The following AGAP1 variants were observed in gnomAD, a reference collection of about 807,000 sequenced individuals.
The protein encoded by AGAP1 is ArfGAP with GTPase domain, ankyrin repeat and PH domain 1.
A neutral mutation model predicts 105.3 loss-of-function variants in AGAP1; 29 were observed. That is an observed-to-expected ratio of 0.28 (90% CI 0.21 to 0.38). The LOEUF is 0.38. Ranked by LOEUF, AGAP1 falls within the 10% of genes least tolerant of loss-of-function variation. The probability of loss-of-function intolerance (pLI) is 1.00; values close to 1 mark genes in which losing one functional copy is unlikely to be tolerated. For synonymous variants in AGAP1, 509 were observed against 485.9 expected (o/e 1.05, Z -0.63); for missense variants, 998 against 1,165.1 (o/e 0.86, Z 2.09).
chr2:235,606,433 CAG>C (rs779868123), intron 1 of AGAP1, among the ~76,000 whole-genome samples: 2 of 152,204 alleles, frequency 1.3e-5, no homozygotes, highest in Non-Finnish European at 2.9e-5. Flanking sequence ...TTACTCGATT[CAG>C]AGACCAAGAA....
At position 235,535,018 on chromosome 2, in the gene AGAP1, T is replaced by G. The variant is rs1943163978; in HGVS notation, c.163+40169T>G. On this transcript the variant is annotated intron_variant, in intron 1 of 17. Coordinates refer to ENST00000304032, the MANE Select transcript of AGAP1 (RefSeq NM_001037131.3). The surrounding 1 kb of genome is among the most constrained non-coding windows in gnomAD (Gnocchi z 5.1). ...GCCCAGGATGCTTTTTTCCTCCAAA[T>G]GCCTCTCACCTATTCCCAGATACTC... 6.6e-6 allele frequency among the ~76,000 whole-genome samples: 1 copy of G among 152,148 alleles called. No homozygotes were observed. The highest frequency in any genetic ancestry group is 2.4e-5 in the African/African-American group (1 of 41,430).
At chr2:235,637,591 AT>A (rs1227451818) in intron 1 of AGAP1, among the ~76,000 whole-genome samples, 1 of 151,840 alleles carries the variant, frequency 6.6e-6, no homozygotes. Context: ...CTTCATTATT[AT>A]TTTTAGGACA....
chr2:236,103,440 C>T (rs1327998600), intron 16 of AGAP1, among the ~76,000 whole-genome samples: 1 of 152,218 alleles, frequency 6.6e-6, no homozygotes, highest in African/African-American at 2.4e-5. Flanking sequence ...CCCCGCCCCC[C>T]ACCTCAGCAC....
rs116258607 is a variant in AGAP1, at chr2:236,122,199, C to A, written c.2371-1720C>A. Among the ~76,000 whole-genome samples, 485 of 152,324 alleles carry A rather than the reference C, an allele frequency of 3.2e-3. 3 individuals are homozygous for A. Among genetic ancestry groups the A allele is most frequent in the African/African-American group, 0.01 (425 of 41,572 alleles). Reference sequence around the variant, plus strand: ...CTCCTGCCTTTAAGCAGTCCTCTCACCTCGGCCTCCCAAGGTGTTGAGATT... The same window carrying A: ...CTCCTGCCTTTAAGCAGTCCTCTCAACTCGGCCTCCCAAGGTGTTGAGATT... On this transcript the variant is annotated intron_variant, in intron 17 of 17. Transcript: ENST00000304032.
At chr2:235,748,123 C>T (rs1156540122) in intron 5 of AGAP1, among the ~76,000 whole-genome samples, 1 of 152,228 alleles carries the variant, frequency 6.6e-6, no homozygotes, top group African/African-American at 2.4e-5. Flanking sequence ...CTGTAAAAAG[C>T]TACGGAGTTA....
chr2:236,110,933 T>C lies in AGAP1; in HGVS notation c.2115-9259T>C, dbSNP rs73996536. Among the ~76,000 whole-genome samples, 626 of 150,120 alleles carry C rather than the reference T, an allele frequency of 4.2e-3. 8 individuals are homozygous for C. The highest frequency in any genetic ancestry group is 0.014 in the African/African-American group (584 of 40,872). On this transcript the variant is annotated intron_variant, in intron 16 of 17. Coordinates refer to ENST00000304032, the MANE Select transcript of AGAP1 (RefSeq NM_001037131.3). ...CGGCAGATTCGGTGTCTGGTTAGGG[T>C]TCGGTCTCTGCTTCATGGAGAATAC...
chr2:235,862,092 G>A (rs7576796), intron 9 of AGAP1, among the ~76,000 whole-genome samples: 119,662 of 151,890 alleles, frequency 0.79, 47,317 homozygotes, highest in East Asian at 0.97. Context: ...TCTCAGAAAG[G>A]AAACTGCAGG....
At chr2:236,024,328 C>T (rs571054256) in intron 13 of AGAP1, among the ~76,000 whole-genome samples, 19 of 152,220 alleles carry the variant, frequency 1.2e-4, no homozygotes, top group South Asian at 4.2e-4. Context: ...TTAGCCACTG[C>T]GCCCGGCCCC....
At position 235,864,518 on chromosome 2, in the gene AGAP1, C is replaced by T. The variant is rs2049068004; in HGVS notation, c.1051-18827C>T. On this transcript the variant is annotated intron_variant, in intron 9 of 17. Coordinates refer to ENST00000304032, the MANE Select transcript of AGAP1 (RefSeq NM_001037131.3). This position sits in a 1 kb window ranked among gnomAD's most constrained non-coding sequence, Gnocchi z 5.0. Reference sequence around the variant, plus strand: ...GTGGTTGAGCGTTTCCGCTCCACTGCGCGGCCCCGGAGCCCCCAAACGCAG... The same window carrying T: ...GTGGTTGAGCGTTTCCGCTCCACTGTGCGGCCCCGGAGCCCCCAAACGCAG... 6.6e-6 allele frequency among the ~76,000 whole-genome samples: 1 copy of T among 152,170 alleles called. No individual in the cohort carries two copies. The highest frequency in any genetic ancestry group is 2.1e-4 in the South Asian group (1 of 4,826).
chr2:236,120,099 C>T lies in AGAP1; in HGVS notation c.2115-93C>T. ...CCTTTGCTTTCTGTTATTTCACTTC[C>T]CTCTCGGCTTCTCCCGACCACACTG... On this transcript the variant is annotated intron_variant, in intron 16 of 17. Transcript: ENST00000304032. This position sits in a 1 kb window ranked among gnomAD's most constrained non-coding sequence, Gnocchi z 6.0. The T allele has an allele frequency of 6.6e-7, 1 of 1,513,028 alleles. No homozygotes were observed. The highest frequency in any genetic ancestry group is 1.3e-5 in the South Asian group (1 of 75,508). 93.7% of individuals were successfully genotyped at this position (1,513,028 alleles called of 1,614,324 possible).
At chr2:235,715,187 C>T (rs1394956185) in intron 2 of AGAP1, among the ~76,000 whole-genome samples, 1 of 152,228 alleles carries the variant, frequency 6.6e-6, no homozygotes, top group Non-Finnish European at 1.5e-5. Flanking sequence ...CCCTTTATTT[C>T]CATCTCTCCT....
chr2:236,098,625 T>C (rs1389790048), intron 16 of AGAP1, among the ~76,000 whole-genome samples: 4 of 84,042 alleles, frequency 4.8e-5, no homozygotes, highest in Non-Finnish European at 7.8e-5. Flanking sequence ...TTTTCCTTTT[T>C]TTTTTTTTTT....
At chr2:235,782,592 C>G (rs1046335028) in intron 6 of AGAP1, among the ~76,000 whole-genome samples, 4 of 147,440 alleles carry the variant, frequency 2.7e-5, no homozygotes, top group Non-Finnish European at 3.0e-5. Flanking sequence ...TTGTTTTTTT[C>G]CCCCTTCAAA....
intron 1 of AGAP1, among the ~76,000 whole-genome samples, chr2:235,696,200 C>G (rs181715928): frequency 1.7e-3 from 264 of 152,320 alleles, no homozygotes; most frequent in Non-Finnish European, 2.8e-3. Flanking sequence ...CGTGCACCCC[C>G]ATGCCCAGCT....
intron 1 of AGAP1, among the ~76,000 whole-genome samples, chr2:235,681,309 A>ACAGCC (rs1559343246): frequency 2.0e-5 from 3 of 152,040 alleles, no homozygotes. Context: ...ATGCCCGGCA[A>ACAGCC]TTTTAGCCCT....
chr2:235,545,225 G>C (rs1032391823), intron 1 of AGAP1, among the ~76,000 whole-genome samples: 1 of 152,156 alleles, frequency 6.6e-6, no homozygotes. Context: ...AATCATTTGG[G>C]CCATCACCCC....
chr2:236,108,127 C>T (rs1341331610), intron 16 of AGAP1, among the ~76,000 whole-genome samples: 4 of 152,228 alleles, frequency 2.6e-5, no homozygotes, highest in South Asian at 2.1e-4. Flanking sequence ...GGCTGTGCTC[C>T]GTCCCTCCGC....
chr2:236,048,904 A>G (rs748580839), intron 15 of AGAP1, among the ~76,000 whole-genome samples, 155 bp from the exon 16 acceptor site: 2 of 152,240 alleles, frequency 1.3e-5, no homozygotes, highest in Non-Finnish European at 2.9e-5. Context: ...CACCTGAAAC[A>G]GGACTGAGCA....
chr2:235,848,349 G>A (rs1961756745), intron 9 of AGAP1, among the ~76,000 whole-genome samples: 1 of 152,192 alleles, frequency 6.6e-6, no homozygotes, highest in Non-Finnish European at 1.5e-5. Flanking sequence ...CACAGTACCT[G>A]GGATAGAGTC....
Sources: gnomAD v4.1 joint callset for allele counts (sites outside exome capture counted in the v4.1 genomes callset) on GRCh38, gnomAD v4.1.1 for gene constraint, Gnocchi (gnomAD v3.1) non-coding constraint, MANE v1.5 for transcripts, NCBI Gene and HGNC (gene_info 2026-07-23, HGNC 2026-07-21) for gene names.